CTDSPL: variants seen among roughly 807,000 people sequenced by gnomAD.
CTDSPL encodes CTD small phosphatase-like protein.
In CTDSPL, 8 loss-of-function variants were observed where a neutral mutation model predicts 30.5. The ratio of observed to expected loss-of-function variants is 0.26; its 90% CI spans 0.15 to 0.47. CTDSPL has a LOEUF of 0.47. Among genes scored for constraint, CTDSPL ranks in the 20% least tolerant of loss-of-function variants. CTDSPL has a pLI of 0.99. For synonymous variants in CTDSPL, 110 were observed against 137.9 expected (o/e 0.80, Z 1.42); for missense variants, 248 against 366.1 (o/e 0.68, Z 2.63).
chr3:37,969,341 C>G, intron 5 of CTDSPL: 1 of 486,520 alleles, frequency 2.1e-6, no homozygotes, highest in Non-Finnish European at 4.3e-6. Flanking sequence ...GTCAGAAATT[C>G]TCTCCCGAGG....
In CTDSPL at chr3:37,874,273, C is replaced by G. The variant is rs111625551; in HGVS notation, c.79+11995C>G. Among the ~76,000 whole-genome samples the G allele has an allele frequency of 1.5e-3, 235 of 152,326 alleles. 2 individuals are homozygous for G. The highest frequency in any genetic ancestry group is 5.4e-3 in the African/African-American group (225 of 41,566). ...CACTGGGTGTTCAGAAGGGACCACA[C>G]CACTTCAAGTTTAATTCTGAAGTAA... On this transcript the variant is annotated intron_variant, in intron 1 of 7. Coordinates refer to ENST00000273179, the MANE Select transcript of CTDSPL (RefSeq NM_001008392.2).
chr3:37,882,990 T>A (rs993748372), intron 1 of CTDSPL, among the ~76,000 whole-genome samples: 2 of 152,214 alleles, frequency 1.3e-5, no homozygotes, highest in Non-Finnish European at 2.9e-5. Context: ...GTTTAACATG[T>A]TCTATTTACA....
intron 1 of CTDSPL, among the ~76,000 whole-genome samples, chr3:37,926,937 G>A (rs1698788151): frequency 6.6e-6 from 1 of 152,172 alleles, no homozygotes; most frequent in African/African-American, 2.4e-5. Flanking sequence ...CAACAAACCT[G>A]AGTTCAAATT....
intron 5 of CTDSPL, chr3:37,969,368 G>A (rs1165345849): frequency 1.9e-6 from 1 of 512,848 alleles, no homozygotes; most frequent in Non-Finnish European, 4.0e-6. Context: ...AGCCACAGGA[G>A]CCAAGAGCAG....
intron 1 of CTDSPL, among the ~76,000 whole-genome samples, chr3:37,880,906 C>T (rs1290061681): frequency 3.9e-5 from 6 of 151,928 alleles, no homozygotes; most frequent in African/African-American, 1.2e-4. Flanking sequence ...CTTATGGACC[C>T]TCTGGTGTAG....
At chr3:37,927,636 ATGTGTGTGTGTG>A (rs71094932) in intron 1 of CTDSPL, among the ~76,000 whole-genome samples, 70 of 115,740 alleles carry the variant, frequency 6.0e-4, no homozygotes, top group South Asian at 1.4e-3. Flanking sequence ...AGAAAAATAT[ATGTGTGTGTGTG>A]TGTGTGTGTG....
chr3:37,934,086 C>T (rs1050166735), intron 1 of CTDSPL, among the ~76,000 whole-genome samples: 3 of 152,046 alleles, frequency 2.0e-5, no homozygotes, highest in African/African-American at 4.8e-5. Context: ...TTTTGGGAAC[C>T]CAAAGTGGGA....
intron 1 of CTDSPL, among the ~76,000 whole-genome samples, chr3:37,888,692 T>G (rs1030761003): frequency 6.6e-6 from 1 of 152,234 alleles, no homozygotes; most frequent in Non-Finnish European, 1.5e-5. Context: ...GCTCAGACTT[T>G]TAGAGACCAG....
chr3:37,951,098 T>A (rs73058963), intron 2 of CTDSPL, among the ~76,000 whole-genome samples: 2,794 of 152,310 alleles, frequency 0.018, 33 homozygotes, highest in Non-Finnish European at 0.028. Context: ...CTGGGTGCAA[T>A]GGCTCATTCC....
At chr3:37,908,487 A>C (rs1486938180) in intron 1 of CTDSPL, among the ~76,000 whole-genome samples, 1 of 151,980 alleles carries the variant, frequency 6.6e-6, no homozygotes, top group Admixed American at 6.6e-5. Flanking sequence ...ATGGCTGGGT[A>C]ATATTTTATT....
chr3:37,870,206 A>G (rs923311228), intron 1 of CTDSPL, among the ~76,000 whole-genome samples: 7 of 151,946 alleles, frequency 4.6e-5, no homozygotes, highest in African/African-American at 9.7e-5. Context: ...GTTGGGGGGA[A>G]TTTTTAAACT....
At chr3:37,909,298 A>G (rs1179111668) in intron 1 of CTDSPL, among the ~76,000 whole-genome samples, 1 of 152,192 alleles carries the variant, frequency 6.6e-6, no homozygotes, top group Non-Finnish European at 1.5e-5. Context: ...TGGAAATGAT[A>G]CCCAACTTCA....
chr3:37,942,942 A>G (rs1698994398), intron 1 of CTDSPL, among the ~76,000 whole-genome samples: 1 of 150,448 alleles, frequency 6.6e-6, no homozygotes, highest in African/African-American at 2.4e-5. Flanking sequence ...CAAAATCAAC[A>G]GCAGAGAGAC....
At chr3:37,897,899 C>T (rs778645203) in intron 1 of CTDSPL, among the ~76,000 whole-genome samples, 5 of 152,108 alleles carry the variant, frequency 3.3e-5, no homozygotes, top group Admixed American at 1.3e-4. Flanking sequence ...GACTTAGTTC[C>T]GGAAATCCAA....
intron 1 of CTDSPL, among the ~76,000 whole-genome samples, chr3:37,869,672 A>AT (rs1407615503): frequency 2.0e-5 from 3 of 152,144 alleles, no homozygotes; most frequent in Non-Finnish European, 4.4e-5. Context: ...GAGAATGGAC[A>AT]TCCTTGTCTT....
intron 7 of CTDSPL, among the ~76,000 whole-genome samples, chr3:37,979,003 G>A (rs1225195867): frequency 1.3e-5 from 2 of 152,082 alleles, no homozygotes; most frequent in Non-Finnish European, 2.9e-5. Context: ...CTCTTATGCT[G>A]CAACTCTTGA....
Position 37,947,113 on chromosome 3 carries a change from T to A in CTDSPL, c.136T>A (p.Phe46Ile). Residue 46 changes from phenylalanine to isoleucine, a missense_variant, in exon 2 of 8, where the codon TTC becomes ATC. Around this residue, in one of 4 missense-constraint regions of CTDSPL, gnomAD observed 118 missense variants for 124.7 expected, o/e 0.95. Coordinates refer to ENST00000273179, the MANE Select transcript of CTDSPL (RefSeq NM_001008392.2). ...GAGGAGCCGCAGCATCCTTAGCTCC[T>A]TCTTCTGCTGCTTCCGTGATTACAA... ...KQRSRSILSS[F>I]FCCFRDYNVE... The A allele has an allele frequency of 6.2e-7, 1 of 1,613,836 alleles. No homozygotes were observed. The highest frequency in any genetic ancestry group is 1.7e-4 in the Middle Eastern group (1 of 5,804).
At chr3:37,897,867 G>A (rs77313825) in intron 1 of CTDSPL, among the ~76,000 whole-genome samples, 2,044 of 152,282 alleles carry the variant, frequency 0.013, 41 homozygotes, top group African/African-American at 0.046. Flanking sequence ...TGCCATTGCC[G>A]TTGTGTGTGA....
At chr3:37,974,774 G>A (rs1005031683) in intron 6 of CTDSPL, among the ~76,000 whole-genome samples, 1 of 152,212 alleles carries the variant, frequency 6.6e-6, no homozygotes, top group African/African-American at 2.4e-5. Context: ...GGACGGCTGG[G>A]CACCATCCTG....
Sources: allele counts gnomAD v4.1 joint callset (sites outside exome capture counted in the v4.1 genomes callset), GRCh38; gene constraint gnomAD v4.1.1; regional missense constraint gnomAD v4.1.1; transcripts MANE v1.5; gene names NCBI Gene and HGNC (gene_info 2026-07-23, HGNC 2026-07-21).